Variants in LMNTD1 observed in about 807,000 individuals in gnomAD.
The protein encoded by LMNTD1 is lamin tail domain containing 1, also known as lamin tail domain-containing protein 1.
A neutral mutation model predicts 50.9 loss-of-function variants in LMNTD1; 35 were observed. That is an observed-to-expected ratio of 0.69 (90% CI 0.53 to 0.91). The LOEUF (loss-of-function observed/expected upper bound fraction) is 0.91, where lower values mean the gene tolerates loss of function less well. Ranked by LOEUF, LMNTD1 falls within the 40% of genes least tolerant of loss-of-function variation. LMNTD1 has a pLI of 0.00. For missense variants in LMNTD1, 470 were observed against 475.5 expected (o/e 0.99, Z 0.11); for synonymous variants, 153 against 161.9 (o/e 0.94, Z 0.42).
At chr12:25,602,941 GA>G (rs930992599) in intron 1 of LMNTD1, among the ~76,000 whole-genome samples, 6 of 151,982 alleles carry the variant, frequency 3.9e-5, no homozygotes, top group African/African-American at 1.4e-4. Flanking sequence ...AATTCACACT[GA>G]AAAACATCTG....
chr12:25,503,845 A>G (rs1341537264), intron 8 of LMNTD1, 45 bp from the exon 9 acceptor site: 1 of 1,114,418 alleles, frequency 9.0e-7, no homozygotes, highest in Non-Finnish European at 1.3e-6. Context: ...GAGGCTAGGT[A>G]GGGAAGGGCA....
intron 3 of LMNTD1, among the ~76,000 whole-genome samples, chr12:25,547,946 G>A (rs944253564): frequency 7.2e-5 from 11 of 151,734 alleles, no homozygotes; most frequent in African/African-American, 2.7e-4. Flanking sequence ...CATACCATAA[G>A]GGGAAGCCAC....
At chr12:25,594,035 A>T (rs1275178335) in intron 1 of LMNTD1, among the ~76,000 whole-genome samples, 1 of 152,198 alleles carries the variant, frequency 6.6e-6, no homozygotes, top group Non-Finnish European at 1.5e-5. Flanking sequence ...AAAGAATAAG[A>T]AAATATGAAC....
intron 1 of LMNTD1, among the ~76,000 whole-genome samples, chr12:25,607,317 TTG>T (rs1372188902): frequency 6.6e-6 from 1 of 152,188 alleles, no homozygotes; most frequent in African/African-American, 2.4e-5. Context: ...AAGGGTTTTT[TTG>T]TGTCTCTATC....
chr12:25,615,652 G>T (rs977578508), intron 1 of LMNTD1, among the ~76,000 whole-genome samples: 1 of 151,906 alleles, frequency 6.6e-6, no homozygotes, highest in African/African-American at 2.4e-5. Flanking sequence ...GTAGAGACAG[G>T]GTTTCAACAT....
intron 9 of LMNTD1, among the ~76,000 whole-genome samples, chr12:25,495,496 T>C (rs1176559550): frequency 2.6e-5 from 4 of 152,126 alleles, no homozygotes; most frequent in Non-Finnish European, 2.9e-5. Context: ...TGTTGCTAAC[T>C]TGCAGAGGGC....
Position 25,489,267 on chromosome 12 carries a change from A to G in LMNTD1, c.*23-12807T>C, listed in dbSNP as rs578167310. Among the ~76,000 whole-genome samples the G allele has an allele frequency of 2.7e-5, 4 of 150,514 alleles. No individual in the cohort carries two copies. In the East Asian group the frequency reaches 7.7e-4, roughly 29 times the overall value. ...CAGTTTGATCTCAGACTGCTGTGCT[A>G]GCAATCAGTGAGATTCCGTGGGCGT... On this transcript the variant is annotated intron_variant, in intron 9 of 9. Transcript: ENST00000458174.
chr12:25,618,932 C>A (rs1158965404), intron 1 of LMNTD1, among the ~76,000 whole-genome samples: 3 of 152,148 alleles, frequency 2.0e-5, no homozygotes, highest in African/African-American at 4.8e-5. Context: ...TGAAATTCAT[C>A]AACTGACTTA....
intron 4 of LMNTD1, among the ~76,000 whole-genome samples, chr12:25,535,296 A>G (rs1302790127): frequency 6.6e-6 from 1 of 151,850 alleles, no homozygotes. Context: ...AAAAGATAAA[A>G]AATAACAGAG....
At chr12:25,542,628 G>A (rs1200244110) in intron 4 of LMNTD1, among the ~76,000 whole-genome samples, 1 of 150,744 alleles carries the variant, frequency 6.6e-6, no homozygotes, top group South Asian at 2.1e-4. Context: ...GCTAGATGAC[G>A]AGTTAGTGGG....
intron 6 of LMNTD1, among the ~76,000 whole-genome samples, chr12:25,520,347 G>T (rs1941227111): frequency 1.3e-5 from 2 of 151,458 alleles, no homozygotes; most frequent in South Asian, 2.1e-4. Flanking sequence ...ACAAATCTCT[G>T]CTACTTTATA....
At chr12:25,611,399 T>G (rs547074708) in intron 1 of LMNTD1, among the ~76,000 whole-genome samples, 1 of 152,148 alleles carries the variant, frequency 6.6e-6, no homozygotes, top group Non-Finnish European at 1.5e-5. Context: ...TTGTTTAGAA[T>G]GGGAACATTT....
intron 7 of LMNTD1, among the ~76,000 whole-genome samples, chr12:25,519,421 C>T (rs1941083628): frequency 6.6e-6 from 1 of 151,002 alleles, no homozygotes; most frequent in Non-Finnish European, 1.5e-5. Context: ...CCCGTCTCTA[C>T]TAAAAATACA....
At chr12:25,560,618 T>C (rs1202222042) in intron 1 of LMNTD1, among the ~76,000 whole-genome samples, 1 of 152,216 alleles carries the variant, frequency 6.6e-6, no homozygotes, top group East Asian at 1.9e-4. Context: ...GCATTGAATC[T>C]ATAAATTACC....
chr12:25,515,625 G>A (rs962385177), intron 8 of LMNTD1, among the ~76,000 whole-genome samples: 1 of 152,026 alleles, frequency 6.6e-6, no homozygotes, highest in African/African-American at 2.4e-5. Context: ...CATTCTGCAT[G>A]ATTAATATAT....
rs1181882999 is a variant in LMNTD1, at chr12:25,476,266, G to A, written c.*217C>T. 6.6e-6 allele frequency: 1 copy of A among 152,198 alleles called. No individual in the cohort carries two copies. The highest frequency in any genetic ancestry group is 1.5e-5 in the Non-Finnish European group (1 of 68,032). 9.4% of individuals were successfully genotyped at this position (152,198 alleles called of 1,614,324 possible). The stretch of plus-strand genomic sequence containing the variant: ...TTCTGCAGGGATTTGGAAGGCAGGA[G>A]TGGTAGGACTTGTGATTTCATCAAG... On this transcript the variant is annotated 3_prime_UTR_variant, in exon 10 of 10. Transcript: ENST00000458174.
At chr12:25,525,504 C>A (rs546139539) in intron 6 of LMNTD1, among the ~76,000 whole-genome samples, 2 of 152,116 alleles carry the variant, frequency 1.3e-5, no homozygotes, top group Admixed American at 6.5e-5. Flanking sequence ...ACTCTTCAGG[C>A]TAAATATCAC....
At chr12:25,520,170 A>ATG (rs1555213319) in intron 6 of LMNTD1, 95 bp from the exon 7 acceptor site, 76 of 221,056 alleles carry the variant, frequency 3.4e-4, no homozygotes, top group African/African-American at 1.7e-3. Context: ...ATATATATAT[A>ATG]TATATAGTAA....
At chr12:25,630,758 T>G (rs1946699735) in intron 1 of LMNTD1, 1 of 152,388 alleles carries the variant, frequency 6.6e-6, no homozygotes, top group African/African-American at 2.4e-5. Flanking sequence ...GGCAGAAAAC[T>G]TCACAGGGAG....
Sources: allele counts gnomAD v4.1 joint callset (sites outside exome capture counted in the v4.1 genomes callset), GRCh38; gene constraint gnomAD v4.1.1; transcripts MANE v1.5; gene names NCBI Gene and HGNC (gene_info 2026-07-23, HGNC 2026-07-21).